PEX5L: variants seen among roughly 807,000 people sequenced by gnomAD.
The protein encoded by PEX5L is PEX5-related protein.
A neutral mutation model predicts 84.0 loss-of-function variants in PEX5L; 30 were observed. The ratio of observed to expected loss-of-function variants is 0.36; its 90% CI spans 0.27 to 0.48. The LOEUF is 0.48. Ranked by LOEUF, PEX5L falls within the 20% of genes least tolerant of loss-of-function variation. The pLI is 0.99. For missense variants in PEX5L, 533 were observed against 754.6 expected (o/e 0.71, Z 3.44); for synonymous variants, 270 against 283.1 (o/e 0.95, Z 0.46).
At chr3:179,900,966 C>A (rs1198640819) in intron 2 of PEX5L, among the ~76,000 whole-genome samples, 2 of 152,152 alleles carry the variant, frequency 1.3e-5, no homozygotes, top group Non-Finnish European at 2.9e-5. Flanking sequence ...TGCAAGATTT[C>A]CCCCAAATCA....
In PEX5L at chr3:179,815,958, G is replaced by A; in HGVS notation, c.986C>T (p.Ala329Val). ...CAGCCTTTTTAAGCCTTCTTCAAAT[G>A]CTCCAGGCCAGTCCTTGAAGGGGTT... ...TENPFKDWPG[A>V]FEEGLKRLKE... is the part of the protein sequence containing the mutation. The change falls in exon 10 of 15, where the codon GCA (alanine) becomes GTA (valine). Residue 329 changes from alanine to valine, a missense_variant. By Grantham distance (64) the Ala-to-Val change is moderately conservative. Coordinates refer to ENST00000467460, the MANE Select transcript of PEX5L (RefSeq NM_016559.3). The A allele has an allele frequency of 2.5e-6, 4 of 1,614,066 alleles. No homozygotes were observed. The highest frequency in any genetic ancestry group is 3.4e-6 in the Non-Finnish European group (4 of 1,179,938).
At chr3:179,906,176 T>A (rs1484942563) in intron 2 of PEX5L, among the ~76,000 whole-genome samples, 2 of 152,208 alleles carry the variant, frequency 1.3e-5, no homozygotes, top group African/African-American at 2.4e-5. Context: ...CAATTTACCA[T>A]TTGTTTGTTC....
intron 2 of PEX5L, among the ~76,000 whole-genome samples, chr3:179,901,771 T>G (rs1761427975): frequency 6.6e-6 from 1 of 152,230 alleles, no homozygotes; most frequent in African/African-American, 2.4e-5. Flanking sequence ...ATGACAGCTT[T>G]CCTAACAGAT....
intron 2 of PEX5L, among the ~76,000 whole-genome samples, chr3:179,923,298 A>AAAC (rs1390065388): frequency 6.9e-6 from 1 of 144,002 alleles, no homozygotes; most frequent in Non-Finnish European, 1.5e-5. Context: ...CTCAAAAAAA[A>AAAC]AAAAAAAAAA....
At chr3:179,946,491 G>A (rs1364992760) in intron 2 of PEX5L, among the ~76,000 whole-genome samples, 1 of 152,198 alleles carries the variant, frequency 6.6e-6, no homozygotes, top group African/African-American at 2.4e-5. Flanking sequence ...ATATGCGATA[G>A]AGAAGTTAGA....
At chr3:179,825,947 G>C (rs926873166) in intron 8 of PEX5L, among the ~76,000 whole-genome samples, 6 of 152,186 alleles carry the variant, frequency 3.9e-5, no homozygotes, top group Non-Finnish European at 8.8e-5. Flanking sequence ...TGAATTGTGT[G>C]GTTCAGAAGT....
chr3:179,957,763 A>G (rs569011749), intron 2 of PEX5L, among the ~76,000 whole-genome samples: 29 of 151,950 alleles, frequency 1.9e-4, no homozygotes, highest in Admixed American at 6.5e-4. Context: ...TTAATTTATC[A>G]TACGTAGCAC....
Position 179,994,407 on chromosome 3 carries a change from T to C in PEX5L, c.22-22742A>G, listed in dbSNP as rs1787666180. Among the ~76,000 whole-genome samples the C allele has an allele frequency of 2.0e-5, 3 of 152,202 alleles. No homozygotes were observed. The South Asian group carries it at 6.2e-4, about 32-fold the overall frequency. On this transcript the variant is annotated intron_variant, in intron 1 of 14. Coordinates refer to ENST00000467460, the MANE Select transcript of PEX5L (RefSeq NM_016559.3). ...TCACTCAAATCTTCTAGCAAAGTGC[T>C]CCAAATATTTTTCCATGGCCTCTTT...
intron 8 of PEX5L, among the ~76,000 whole-genome samples, chr3:179,845,444 C>T (rs534728223): frequency 6.6e-6 from 1 of 152,192 alleles, no homozygotes; most frequent in East Asian, 1.9e-4. Context: ...GCCTCCAATT[C>T]TCTCAGTCCA....
At chr3:179,818,250 T>C (rs1279795181) in intron 9 of PEX5L, among the ~76,000 whole-genome samples, 3 of 151,870 alleles carry the variant, frequency 2.0e-5, no homozygotes, top group Admixed American at 6.6e-5. Context: ...TATATATAGT[T>C]TTTCTTTTAT....
At chr3:179,892,537 A>C (rs1757934915) in intron 3 of PEX5L, among the ~76,000 whole-genome samples, 1 of 152,170 alleles carries the variant, frequency 6.6e-6, no homozygotes, top group South Asian at 2.1e-4. Context: ...ATACAGTCTA[A>C]CTGAATGGTA....
chr3:180,017,052 A>G (rs1790004549), intron 1 of PEX5L, among the ~76,000 whole-genome samples: 1 of 152,204 alleles, frequency 6.6e-6, no homozygotes, highest in Non-Finnish European at 1.5e-5. Flanking sequence ...ATACTAGCTT[A>G]ACATCTATAC....
intron 2 of PEX5L, among the ~76,000 whole-genome samples, chr3:179,950,959 G>A (rs1478725778): frequency 6.6e-6 from 1 of 152,188 alleles, no homozygotes; most frequent in Admixed American, 6.5e-5. Flanking sequence ...GTACCAGATT[G>A]CACTGAAACA....
intron 2 of PEX5L, among the ~76,000 whole-genome samples, chr3:179,940,119 G>A (rs940440272): frequency 6.6e-6 from 1 of 152,128 alleles, no homozygotes; most frequent in Non-Finnish European, 1.5e-5. Flanking sequence ...AGTCAGTGCA[G>A]GTGACCTGAT....
chr3:179,980,614 T>C (rs1040499682), intron 1 of PEX5L, among the ~76,000 whole-genome samples: 1 of 152,242 alleles, frequency 6.6e-6, no homozygotes, highest in South Asian at 2.1e-4. Context: ...CCTACCATAT[T>C]CTTCATGAAT....
chr3:180,032,953 G>A (rs1791590412), intron 1 of PEX5L, among the ~76,000 whole-genome samples: 1 of 152,062 alleles, frequency 6.6e-6, no homozygotes, highest in African/African-American at 2.4e-5. Flanking sequence ...TTTTGCTGAG[G>A]GCCTCAATTA....
At chr3:179,916,482 G>C (rs530147317) in intron 2 of PEX5L, among the ~76,000 whole-genome samples, 4 of 152,256 alleles carry the variant, frequency 2.6e-5, no homozygotes, top group African/African-American at 9.6e-5. Flanking sequence ...AAACTTGCAG[G>C]ATTGCAAGCT....
chr3:179,959,592 AT>A (rs1578994132), intron 2 of PEX5L, among the ~76,000 whole-genome samples: 1 of 152,320 alleles, frequency 6.6e-6, no homozygotes, highest in East Asian at 1.9e-4. Context: ...GAGATGGGAA[AT>A]AATGTATTTT....
At chr3:180,018,554 C>T (rs7645574) in intron 1 of PEX5L, among the ~76,000 whole-genome samples, 23,209 of 152,100 alleles carry the variant, frequency 0.15, 2,219 homozygotes, top group African/African-American at 0.27. Context: ...TTAAAGATAG[C>T]GCCAATATTT....
Sources: allele counts gnomAD v4.1 joint callset (sites outside exome capture counted in the v4.1 genomes callset), GRCh38; gene constraint gnomAD v4.1.1; transcripts MANE v1.5; gene names NCBI Gene and HGNC (gene_info 2026-07-23, HGNC 2026-07-21).